ANKRD12: variants seen among roughly 807,000 people sequenced by gnomAD.
ANKRD12 encodes the protein ankyrin repeat domain-containing protein 12.
A neutral mutation model predicts 183.4 loss-of-function variants in ANKRD12; 85 were observed. The observed-to-expected ratio is 0.46, with a 90% CI of 0.39 to 0.56. The LOEUF (loss-of-function observed/expected upper bound fraction) is 0.56, where lower values mean the gene tolerates loss of function less well. Among genes scored for constraint, ANKRD12 ranks in the 20% least tolerant of loss-of-function variants. ANKRD12 has a pLI of 0.00. For synonymous variants in ANKRD12, 914 were observed against 800.2 expected, an observed-to-expected ratio of 1.14 and a Z score of -2.40; for missense variants, 2,405 against 2,357.1, an observed-to-expected ratio of 1.02 and a Z score of -0.42.
chr18:9,280,092 A>G (rs919245985), intron 12 of ANKRD12, among the ~76,000 whole-genome samples: 15 of 152,210 alleles, frequency 9.9e-5, no homozygotes, highest in African/African-American at 3.4e-4. Context: ...AATCTATAAC[A>G]GCAGTCCCAA....
At chr18:9,161,618 C>T (rs926132610) in intron 1 of ANKRD12, among the ~76,000 whole-genome samples, 12 of 151,944 alleles carry the variant, frequency 7.9e-5, no homozygotes, top group East Asian at 7.7e-4. Flanking sequence ...CCTTGTGATC[C>T]GCCCGCCTCG....
At chr18:9,180,713 A>C (rs1022169727) in intron 1 of ANKRD12, among the ~76,000 whole-genome samples, 1 of 152,206 alleles carries the variant, frequency 6.6e-6, no homozygotes, top group Non-Finnish European at 1.5e-5. Context: ...TTGGAATCCA[A>C]TTGTGATTTT....
At chr18:9,263,673 A>T in intron 9 of ANKRD12, 117 bp from the exon 10 acceptor site, 1 of 610,980 alleles carries the variant, frequency 1.6e-6, no homozygotes. Flanking sequence ...GTATTATTTA[A>T]TTCACAGGAC....
chr18:9,275,966 C>T (rs570967711), intron 11 of ANKRD12, among the ~76,000 whole-genome samples: 2 of 152,300 alleles, frequency 1.3e-5, no homozygotes, highest in East Asian at 3.9e-4. Context: ...ACCTTTAGTT[C>T]TGACCTTCAG....
At chr18:9,279,370 C>T (rs76585048) in intron 11 of ANKRD12, among the ~76,000 whole-genome samples, 179 bp from the exon 12 acceptor site, 1 of 152,120 alleles carries the variant, frequency 6.6e-6, no homozygotes, top group East Asian at 1.9e-4. Context: ...AATAACCAAT[C>T]TGTCTACACA....
At chr18:9,264,350 A>G (rs1453836774) in intron 10 of ANKRD12, among the ~76,000 whole-genome samples, 4 of 152,254 alleles carry the variant, frequency 2.6e-5, no homozygotes, top group Admixed American at 2.0e-4. Context: ...CGGGTTATTT[A>G]TAGGAATTAT....
At chr18:9,179,074 C>T (rs1185349686) in intron 1 of ANKRD12, among the ~76,000 whole-genome samples, 2 of 151,966 alleles carry the variant, frequency 1.3e-5, no homozygotes, top group Non-Finnish European at 2.9e-5. Context: ...ATTTTAATTT[C>T]TAATTGCTTA....
At chr18:9,244,270 A>G (rs2037825712) in intron 8 of ANKRD12, among the ~76,000 whole-genome samples, 1 of 152,238 alleles carries the variant, frequency 6.6e-6, no homozygotes, top group African/African-American at 2.4e-5. Flanking sequence ...ATCCTTGGAT[A>G]TACTTTCTAT....
At chr18:9,275,846 A>G (rs118027824) in intron 11 of ANKRD12, among the ~76,000 whole-genome samples, 179 bp downstream of exon 11, 1,749 of 152,344 alleles carry the variant, frequency 0.011, 13 homozygotes, top group Non-Finnish European at 0.019. Context: ...TTTCTAAAGC[A>G]CTGTAAACAT....
intron 3 of ANKRD12, among the ~76,000 whole-genome samples, chr18:9,198,429 G>C (rs1420618783): frequency 6.6e-6 from 1 of 152,152 alleles, no homozygotes; most frequent in Non-Finnish European, 1.5e-5. Flanking sequence ...GTTGGACATA[G>C]GAATTTGCTT....
chr18:9,250,403 G>C (rs1476053042), intron 8 of ANKRD12, among the ~76,000 whole-genome samples: 1 of 152,114 alleles, frequency 6.6e-6, no homozygotes, highest in Non-Finnish European at 1.5e-5. Context: ...GTAGTAGTGG[G>C]AATAGAGAGA....
Position 9,257,861 on chromosome 18 carries a change from A to G in ANKRD12, c.4594A>G (p.Ser1532Gly). ...LQQKNAVQIISSALDTDNEST... is the reference protein window; with the variant it reads ...LQQKNAVQIIGSALDTDNEST... ...ACAAAAAAATGCAGTTCAGATTATT[A>G]GTTCTGCTTTAGATACTGATAATGA... Residue 1532 changes from serine to glycine, a missense_variant, in exon 9 of 13, where the codon AGT (serine) becomes GGT (glycine). Ser to Gly is a moderately conservative substitution (Grantham distance 56). Transcript: ENST00000262126. The G allele has an allele frequency of 6.2e-7, 1 of 1,613,726 alleles. No individual in the cohort carries two copies. Among genetic ancestry groups the G allele is most frequent in the South Asian group, 1.1e-5 (1 of 91,042 alleles).
chr18:9,164,611 G>C (rs897216736), intron 1 of ANKRD12, among the ~76,000 whole-genome samples: 3 of 151,984 alleles, frequency 2.0e-5, no homozygotes, highest in Non-Finnish European at 4.4e-5. Flanking sequence ...CTTTGCATTC[G>C]TTTCCAAGAA....
At chr18:9,190,212 G>A (rs894094649) in intron 2 of ANKRD12, among the ~76,000 whole-genome samples, 1 of 152,204 alleles carries the variant, frequency 6.6e-6, no homozygotes, top group Non-Finnish European at 1.5e-5. Context: ...AAACGCAAGA[G>A]AATGAGAATC....
intron 3 of ANKRD12, among the ~76,000 whole-genome samples, chr18:9,200,139 C>T (rs1172234948): frequency 1.3e-5 from 2 of 152,112 alleles, no homozygotes; most frequent in African/African-American, 2.4e-5. Context: ...TCTAAATTCT[C>T]AATTATTTAA....
chr18:9,153,694 TTTG>T (rs776052769), intron 1 of ANKRD12, among the ~76,000 whole-genome samples: 1 of 152,176 alleles, frequency 6.6e-6, no homozygotes, highest in Non-Finnish European at 1.5e-5. Flanking sequence ...TTTCAAGTAC[TTTG>T]TTTTCTTCAT....
At chr18:9,248,494 T>G (rs1032026989) in intron 8 of ANKRD12, among the ~76,000 whole-genome samples, 2 of 152,242 alleles carry the variant, frequency 1.3e-5, no homozygotes. Flanking sequence ...TGCTTCACAA[T>G]TGAACAGTCT....
chr18:9,195,848 C>T, intron 3 of ANKRD12, 150 bp downstream of exon 3: 1 of 731,548 alleles, frequency 1.4e-6, no homozygotes, highest in South Asian at 2.7e-5. Flanking sequence ...GTAGGAATTC[C>T]ATCTATCATG....
intron 8 of ANKRD12, among the ~76,000 whole-genome samples, chr18:9,229,536 TTTG>T (rs373341999): frequency 5.0e-4 from 76 of 152,192 alleles, no homozygotes; most frequent in African/African-American, 1.7e-3. Context: ...TTCCTAGTTG[TTTG>T]TTGTTGTTGT....
Sources: gnomAD v4.1 joint callset for allele counts (sites outside exome capture counted in the v4.1 genomes callset) on GRCh38, gnomAD v4.1.1 for gene constraint, MANE v1.5 for transcripts, NCBI Gene and HGNC (gene_info 2026-07-23, HGNC 2026-07-21) for gene names.